Variants in PCDHA4 observed in about 807,000 individuals in gnomAD.
PCDHA4 encodes protocadherin alpha-4.
A neutral mutation model predicts 61.4 loss-of-function variants in PCDHA4; 49 were observed. That is an observed-to-expected ratio of 0.80 (90% CI 0.63 to 1.01). PCDHA4 has a LOEUF of 1.01. Among genes scored for constraint, PCDHA4 ranks in the 50% least tolerant of loss-of-function variants. The probability of loss-of-function intolerance (pLI) is 0.00; values close to 1 mark genes in which losing one functional copy is unlikely to be tolerated. For synonymous variants in PCDHA4, 590 were observed against 550.3 expected, an observed-to-expected ratio of 1.07 and a Z score of -1.01; for missense variants, 1,254 against 1,235.8, an observed-to-expected ratio of 1.01 and a Z score of -0.22.
At chr5:140,999,858 C>G (rs1563644401) in intron 3 of PCDHA4, among the ~76,000 whole-genome samples, 3 of 152,170 alleles carry the variant, frequency 2.0e-5, no homozygotes. Context: ...CTCTTCCGCT[C>G]CAAGATTACT....
In PCDHA4 at chr5:140,884,757, TCTTTA is replaced by T. The variant is rs1486319174; in HGVS notation, c.2385+75191_2385+75195del. On this transcript the variant is annotated intron_variant, in intron 1 of 3. Transcript: ENST00000530339. ...ATCTTTCCTGCCAATTTCAAATTATTCTTTACTTTAATTTTAATTTTGCTAGTTGT... is the reference window on the plus strand; with the variant it reads ...ATCTTTCCTGCCAATTTCAAATTATTCTTTAATTTTAATTTTGCTAGTTGT... The T allele has an allele frequency of 5.5e-5, 78 of 1,427,314 alleles. 1 individual carries two copies. The highest frequency in any genetic ancestry group is 1.3e-4 in the South Asian group (8 of 61,704). The allele number at this position is 1,427,314 out of a possible 1,614,324, so 88.4% of individuals were successfully genotyped here. A position where few individuals can be genotyped will look rare whatever the true frequency, so the allele number is the denominator to read the frequency against.
intron 1 of PCDHA4, among the ~76,000 whole-genome samples, chr5:140,845,729 T>C (rs952746067): frequency 6.7e-6 from 1 of 149,682 alleles, no homozygotes; most frequent in Non-Finnish European, 1.5e-5. Flanking sequence ...TAAATGTGAA[T>C]TCTACTTTAT....
At chr5:140,838,285 T>TTA (rs1554136986) in intron 1 of PCDHA4, among the ~76,000 whole-genome samples, 1 of 149,460 alleles carries the variant, frequency 6.7e-6, no homozygotes, top group East Asian at 2.0e-4. Flanking sequence ...TGCTAATTTT[T>TTA]TTTTTTTTTT....
chr5:140,877,144 G>C, intron 1 of PCDHA4: 2 of 1,613,772 alleles, frequency 1.2e-6, no homozygotes, highest in South Asian at 1.1e-5. Context: ...CGTGCTGGAC[G>C]AGAACGACAA....
At chr5:140,926,888 G>A in intron 1 of PCDHA4, 1 of 1,544,494 alleles carries the variant, frequency 6.5e-7, no homozygotes, top group Non-Finnish European at 8.7e-7. Flanking sequence ...ACGCCTAGAG[G>A]GAGGATGGTG....
chr5:140,948,709 CT>C (rs144736017), intron 1 of PCDHA4, among the ~76,000 whole-genome samples: 2,043 of 151,408 alleles, frequency 0.013, 38 homozygotes, highest in African/African-American at 0.047. Context: ...GTGTTCTATC[CT>C]CTTTTTTATC....
At chr5:140,878,577 G>A (rs1228813773) in intron 1 of PCDHA4, among the ~76,000 whole-genome samples, 2 of 152,122 alleles carry the variant, frequency 1.3e-5, no homozygotes, top group African/African-American at 2.4e-5. Context: ...GTATACCACT[G>A]CCCTGTGCCT....
chr5:140,864,600 C>G (rs1159658217), intron 1 of PCDHA4: 3 of 152,164 alleles, frequency 2.0e-5, no homozygotes, highest in African/African-American at 7.2e-5. Flanking sequence ...TTCAGATAGC[C>G]AACAACTTTG....
At chr5:140,867,118 T>C (rs2049765139) in intron 1 of PCDHA4, 1 of 152,172 alleles carries the variant, frequency 6.6e-6, no homozygotes, top group Admixed American at 6.5e-5. Context: ...CATATTGTTT[T>C]AATTCAAATA....
At chr5:140,922,927 T>C (rs1257564815) in intron 1 of PCDHA4, among the ~76,000 whole-genome samples, 1 of 152,214 alleles carries the variant, frequency 6.6e-6, no homozygotes, top group Non-Finnish European at 1.5e-5. Flanking sequence ...TTCAGACTTT[T>C]ACTTCCAGCA....
chr5:140,855,841 TA>T, intron 1 of PCDHA4: 2 of 638,220 alleles, frequency 3.1e-6, no homozygotes, highest in Non-Finnish European at 2.6e-6. Context: ...TACTTACACC[TA>T]AAGCCACCGG....
chr5:140,829,418 G>C, intron 1 of PCDHA4: 2 of 1,614,154 alleles, frequency 1.2e-6, no homozygotes, highest in African/African-American at 1.3e-5. Context: ...CAGCTTGTCT[G>C]TGGAGGTGGC....
intron 1 of PCDHA4, chr5:140,815,720 A>G (rs2150041009): frequency 6.6e-6 from 1 of 152,256 alleles, no homozygotes; most frequent in South Asian, 2.1e-4. Context: ...AGCATCCCCT[A>G]ATTTTAACTC....
intron 1 of PCDHA4, among the ~76,000 whole-genome samples, chr5:140,906,546 G>A (rs1261080393): frequency 2.0e-5 from 3 of 152,222 alleles, no homozygotes; most frequent in Non-Finnish European, 4.4e-5. Context: ...CCTCATTTCT[G>A]CAACTGGTTG....
intron 1 of PCDHA4, among the ~76,000 whole-genome samples, chr5:140,921,875 A>G (rs1414785128): frequency 6.6e-6 from 1 of 152,118 alleles, no homozygotes; most frequent in Non-Finnish European, 1.5e-5. Flanking sequence ...CAGTATATAT[A>G]TAAGATTTTA....
intron 1 of PCDHA4, among the ~76,000 whole-genome samples, chr5:140,898,748 G>A (rs1397892217): frequency 1.1e-4 from 16 of 152,222 alleles, no homozygotes; most frequent in African/African-American, 3.9e-4. Context: ...TAGCTTGATG[G>A]GGATGGCATT....
chr5:140,842,888 C>G, intron 1 of PCDHA4: 1 of 1,593,820 alleles, frequency 6.3e-7, no homozygotes, highest in South Asian at 1.1e-5. Flanking sequence ...GCTGCAGCCG[C>G]TGGACCACGA....
intron 1 of PCDHA4, among the ~76,000 whole-genome samples, chr5:140,966,049 A>AC (rs2095962296): frequency 6.6e-6 from 1 of 152,102 alleles, no homozygotes; most frequent in African/African-American, 2.4e-5. Context: ...ATCGCCAGTA[A>AC]CCCCAGAGCG....
intron 1 of PCDHA4, chr5:140,928,846 C>A: frequency 1.2e-6 from 2 of 1,614,192 alleles, no homozygotes; most frequent in Non-Finnish European, 1.7e-6. Context: ...CTCTGTCACT[C>A]TGGGTGTGCT....
Sources: gnomAD v4.1 joint callset for allele counts (sites outside exome capture counted in the v4.1 genomes callset) on GRCh38, gnomAD v4.1.1 for gene constraint, MANE v1.5 for transcripts, NCBI Gene and HGNC (gene_info 2026-07-23, HGNC 2026-07-21) for gene names.